Variants in GPC5 observed in about 807,000 individuals in gnomAD.
GPC5 encodes the protein glypican 5.
A neutral mutation model predicts 53.9 loss-of-function variants in GPC5; 47 were observed. The ratio of observed to expected loss-of-function variants is 0.87; its 90% CI spans 0.69 to 1.11. GPC5 has a LOEUF of 1.11. GPC5 is among the 50% of genes most tolerant of loss of function. The pLI is 0.00. For synonymous variants in GPC5, 286 were observed against 263.3 expected (o/e 1.09, Z -0.84); for missense variants, 748 against 713.1 (o/e 1.05, Z -0.56).
At chr13:92,744,137 C>T (rs1889181522) in intron 7 of GPC5, among the ~76,000 whole-genome samples, 1 of 151,812 alleles carries the variant, frequency 6.6e-6, no homozygotes, top group African/African-American at 2.4e-5. Context: ...AGAAAGTAGA[C>T]AGAGAGGTTT....
intron 7 of GPC5, among the ~76,000 whole-genome samples, chr13:92,424,357 TATTTA>T (rs1876725638): frequency 6.6e-6 from 1 of 152,116 alleles, no homozygotes; most frequent in Admixed American, 6.6e-5. Context: ...TGAGCAAAGA[TATTTA>T]ATTTAATCCA....
chr13:91,899,222 C>G (rs2039473139), intron 5 of GPC5, among the ~76,000 whole-genome samples: 1 of 151,946 alleles, frequency 6.6e-6, no homozygotes, highest in South Asian at 2.1e-4. Flanking sequence ...TGTGTGTGAA[C>G]TTAGAACACA....
chr13:91,976,105 G>C (rs181684506), intron 6 of GPC5, among the ~76,000 whole-genome samples: 10 of 151,916 alleles, frequency 6.6e-5, no homozygotes, highest in Non-Finnish European at 5.9e-5. Flanking sequence ...GGAACATCAC[G>C]CTCTGGGGAC....
intron 7 of GPC5, among the ~76,000 whole-genome samples, chr13:92,372,481 C>A (rs539582453): frequency 3.3e-5 from 5 of 152,252 alleles, no homozygotes; most frequent in Admixed American, 2.6e-4. Context: ...CAGTGACACT[C>A]CCCTCAATTA....
intron 7 of GPC5, among the ~76,000 whole-genome samples, chr13:92,345,052 A>T (rs1408764307): frequency 6.6e-6 from 1 of 152,194 alleles, no homozygotes; most frequent in East Asian, 1.9e-4. Context: ...AACTAGCATA[A>T]TAAAAATACA....
intron 7 of GPC5, among the ~76,000 whole-genome samples, chr13:92,328,540 TG>T (rs1240961612): frequency 1.3e-5 from 2 of 152,038 alleles, no homozygotes; most frequent in Non-Finnish European, 2.9e-5. Flanking sequence ...AAGGTTAGAG[TG>T]GCTTATTTTA....
At chr13:92,012,911 C>T (rs1007586947) in intron 6 of GPC5, among the ~76,000 whole-genome samples, 1 of 152,214 alleles carries the variant, frequency 6.6e-6, no homozygotes, top group African/African-American at 2.4e-5. Context: ...GTGCAGGACT[C>T]ACAGCCAGAC....
chr13:92,720,285 T>C (rs1471901921), intron 7 of GPC5, among the ~76,000 whole-genome samples: 1 of 152,156 alleles, frequency 6.6e-6, no homozygotes, highest in Non-Finnish European at 1.5e-5. Flanking sequence ...TTATGTATCA[T>C]CCATATAGGC....
intron 6 of GPC5, among the ~76,000 whole-genome samples, chr13:91,923,542 T>A (rs1302005927): frequency 6.6e-6 from 1 of 152,200 alleles, no homozygotes; most frequent in African/African-American, 2.4e-5. Context: ...AATTAAAATG[T>A]GCATTATAAT....
intron 5 of GPC5, among the ~76,000 whole-genome samples, chr13:91,828,578 G>T (rs2038610412): frequency 6.6e-6 from 1 of 152,022 alleles, no homozygotes; most frequent in Non-Finnish European, 1.5e-5. Flanking sequence ...TCCAGGGCCT[G>T]GGTAGGGAAA....
intron 2 of GPC5, among the ~76,000 whole-genome samples, chr13:91,549,823 T>C (rs746907851): frequency 2.6e-5 from 4 of 152,150 alleles, no homozygotes; most frequent in Non-Finnish European, 5.9e-5. Context: ...TGCAAAATAG[T>C]GCAGCTACTC....
At chr13:91,432,606 A>C (rs549066268) in intron 1 of GPC5, among the ~76,000 whole-genome samples, 28 of 152,216 alleles carry the variant, frequency 1.8e-4, no homozygotes, top group Non-Finnish European at 2.9e-4. Context: ...AGTGTTACTT[A>C]TTTTTATTGA....
chr13:91,933,130 T>G lies in GPC5; in HGVS notation c.1401+25073T>G, dbSNP rs73628739. Among the ~76,000 whole-genome samples, 397 of 152,070 alleles carry G rather than the reference T, an allele frequency of 2.6e-3. 2 individuals are homozygous for G. Among genetic ancestry groups the G allele is most frequent in the African/African-American group, 9.1e-3 (380 of 41,540 alleles). On this transcript the variant is annotated intron_variant, in intron 6 of 7. Transcript: ENST00000377067. ...TCAAACTTTCAGAAATTCCTCATTA[T>G]CAACGGTCAAATCCAGATGGATTTT...
intron 7 of GPC5, among the ~76,000 whole-genome samples, chr13:92,184,622 G>A (rs1252674379): frequency 6.6e-6 from 1 of 152,174 alleles, no homozygotes; most frequent in East Asian, 1.9e-4. Context: ...AATTCTGTTA[G>A]GAAACCTGAA....
intron 7 of GPC5, chr13:92,448,213 C>T (rs1335689560): frequency 6.6e-6 from 1 of 151,964 alleles, no homozygotes; most frequent in Admixed American, 6.6e-5. Context: ...CTAATTTATT[C>T]TATAACAGTT....
intron 7 of GPC5, among the ~76,000 whole-genome samples, chr13:92,539,933 GTC>G (rs1259346907): frequency 6.6e-6 from 1 of 151,778 alleles, no homozygotes; most frequent in Non-Finnish European, 1.5e-5. Flanking sequence ...TAATTAATAA[GTC>G]TATGTAATTG....
In GPC5 at chr13:92,752,631, C is replaced by T. The variant is rs541171379; in HGVS notation, c.1562-113651C>T. Among the ~76,000 whole-genome samples the T allele has an allele frequency of 1.6e-4, 25 of 152,196 alleles. No homozygotes were observed. In the South Asian group the frequency reaches 1.7e-3, roughly 10 times the overall value. ...CAGTGGGCGCAGGTCAGTGGGTGCG[C>T]GCACCGTGCGCGAGCTGAAGCAGGG... On this transcript the variant is annotated intron_variant, in intron 7 of 7. Coordinates refer to ENST00000377067, the MANE Select transcript of GPC5 (RefSeq NM_004466.6).
intron 7 of GPC5, among the ~76,000 whole-genome samples, chr13:92,680,243 T>G (rs2139221109): frequency 6.6e-6 from 1 of 152,302 alleles, no homozygotes; most frequent in South Asian, 2.1e-4. Context: ...TTTGTTACTC[T>G]TATATCAAAA....
At chr13:92,847,291 G>A (rs752989866) in intron 7 of GPC5, among the ~76,000 whole-genome samples, 1 of 152,232 alleles carries the variant, frequency 6.6e-6, no homozygotes, top group Non-Finnish European at 1.5e-5. Flanking sequence ...GAAACCTGCA[G>A]GAAAACTTAG....
Sources: allele counts gnomAD v4.1 joint callset (sites outside exome capture counted in the v4.1 genomes callset), GRCh38; gene constraint gnomAD v4.1.1; transcripts MANE v1.5; gene names NCBI Gene and HGNC (gene_info 2026-07-23, HGNC 2026-07-21).